Variants in GCLC observed in about 807,000 individuals in gnomAD.
GCLC encodes glutamate--cysteine ligase catalytic subunit.
Under a neutral mutation model 81.5 loss-of-function variants are expected in GCLC, and 30 were observed. That is an observed-to-expected ratio of 0.37 (90% CI 0.28 to 0.50). The LOEUF (loss-of-function observed/expected upper bound fraction) is 0.50, where lower values mean the gene tolerates loss of function less well. Ranked by LOEUF, GCLC falls within the 20% of genes least tolerant of loss-of-function variation. GCLC has a pLI of 0.96. For synonymous variants in GCLC, 262 were observed against 273.3 expected (o/e 0.96, Z 0.41); for missense variants, 556 against 777.4 (o/e 0.72, Z 3.39).
intron 7 of GCLC, 53 bp downstream of exon 7, chr6:53,509,123 C>T (rs1272030499): frequency 3.7e-6 from 4 of 1,090,942 alleles, no homozygotes; most frequent in Admixed American, 3.4e-5. Flanking sequence ...TCTGCACATG[C>T]TATCTTATTT....
intron 3 of GCLC, among the ~76,000 whole-genome samples, 173 bp downstream of exon 3, chr6:53,520,605 T>C (rs1284372477): frequency 6.6e-6 from 1 of 152,248 alleles, no homozygotes; most frequent in Non-Finnish European, 1.5e-5. Context: ...GAAGCTGGCA[T>C]GCAACTGTGT....
chr6:53,515,144 T>C (rs574728981), intron 4 of GCLC, among the ~76,000 whole-genome samples: 4 of 152,174 alleles, frequency 2.6e-5, no homozygotes, highest in Non-Finnish European at 5.9e-5. Flanking sequence ...TTTTTGGACG[T>C]TTTGGGTTAA....
intron 1 of GCLC, among the ~76,000 whole-genome samples, chr6:53,533,797 C>CTT (rs558357229): frequency 0.036 from 5,047 of 141,814 alleles, 151 homozygotes; most frequent in Middle Eastern, 0.08. Flanking sequence ...TTTTTCTTTT[C>CTT]TTTTTTTTTT....
rs368170497 is a variant in GCLC, at chr6:53,501,821, C to T, written c.1396-1308G>A. On this transcript the variant is annotated intron_variant, in intron 12 of 15. Transcript: ENST00000650454. ...CCTTAGTCTTGAAAAAAGTTCATAA[C>T]GACCACTTATAATTTGTGCTTTGAT... 3.6e-4 allele frequency among the ~76,000 whole-genome samples: 55 copies of T among 152,250 alleles called. 2 individuals are homozygous for T. Among genetic ancestry groups the T allele is most frequent in the African/African-American group, 1.3e-3 (52 of 41,554 alleles).
At chr6:53,499,592 GGT>G (rs1201431407) in intron 15 of GCLC, among the ~76,000 whole-genome samples, 1 of 152,126 alleles carries the variant, frequency 6.6e-6, no homozygotes, top group Non-Finnish European at 1.5e-5. Flanking sequence ...AGCAGTACTT[GGT>G]TACTGTACTG....
chr6:53,523,273 T>A (rs764235369), intron 1 of GCLC: 1 of 152,242 alleles, frequency 6.6e-6, no homozygotes. Context: ...TTCCTGAAGT[T>A]ACAAGCTTTC....
At chr6:53,538,691 T>C (rs1763300712) in intron 1 of GCLC, among the ~76,000 whole-genome samples, 1 of 152,148 alleles carries the variant, frequency 6.6e-6, no homozygotes, top group Non-Finnish European at 1.5e-5. Flanking sequence ...TTAATAAATC[T>C]CATCTCTGTT....
chr6:53,530,288 C>T (rs1763150130), intron 1 of GCLC, among the ~76,000 whole-genome samples: 2 of 152,174 alleles, frequency 1.3e-5, no homozygotes, highest in South Asian at 2.1e-4. Flanking sequence ...AACCACATCT[C>T]ACAAAGGCAG....
At chr6:53,540,404 T>C in intron 1 of GCLC, among the ~76,000 whole-genome samples, 1 of 150,342 alleles carries the variant, frequency 6.7e-6, no homozygotes, top group East Asian at 2.0e-4. Flanking sequence ...GTGAAATACA[T>C]CGGTCACAGA....
intron 3 of GCLC, among the ~76,000 whole-genome samples, chr6:53,517,420 T>C (rs542797339): frequency 2.0e-5 from 3 of 152,126 alleles, no homozygotes; most frequent in South Asian, 2.1e-4. Context: ...TTTTAACCCC[T>C]ACCTTTTCTT....
chr6:53,540,220 G>A (rs1763328678), intron 1 of GCLC, among the ~76,000 whole-genome samples: 2 of 150,592 alleles, frequency 1.3e-5, no homozygotes, highest in Non-Finnish European at 2.9e-5. Context: ...AATGTTCATC[G>A]AAGTTATTCA....
intron 12 of GCLC, among the ~76,000 whole-genome samples, chr6:53,501,830 A>G (rs1764519588): frequency 6.6e-6 from 1 of 152,208 alleles, no homozygotes; most frequent in African/African-American, 2.4e-5. Context: ...ACGACCACTT[A>G]TAATTTGTGC....
intron 1 of GCLC, among the ~76,000 whole-genome samples, chr6:53,525,413 C>T (rs1408837264): frequency 6.6e-6 from 1 of 152,296 alleles, no homozygotes; most frequent in East Asian, 1.9e-4. Flanking sequence ...TACATTAAGA[C>T]AACGATTTTC....
intron 1 of GCLC, among the ~76,000 whole-genome samples, chr6:53,524,939 A>G (rs1481322419): frequency 6.6e-6 from 1 of 152,244 alleles, no homozygotes; most frequent in Non-Finnish European, 1.5e-5. Context: ...TGAGTTTTAA[A>G]TATCAGTTTT....
intron 1 of GCLC, among the ~76,000 whole-genome samples, chr6:53,534,497 G>A (rs200242250): frequency 7.9e-6 from 1 of 126,118 alleles, no homozygotes; most frequent in Non-Finnish European, 1.7e-5. Flanking sequence ...AAAAAAAAAA[G>A]AGAGAGGAAG....
At chr6:53,517,100 T>TC in intron 3 of GCLC, among the ~76,000 whole-genome samples, 1 of 143,762 alleles carries the variant, frequency 7.0e-6, no homozygotes, top group Non-Finnish European at 1.5e-5. Context: ...TTTTTTTTTT[T>TC]TTCTGAGAAA....
chr6:53,535,076 T>A (rs1425315584), intron 1 of GCLC, among the ~76,000 whole-genome samples: 1 of 152,146 alleles, frequency 6.6e-6, no homozygotes, highest in Admixed American at 6.5e-5. Context: ...TTATAAAGAT[T>A]CAGCAATCAA....
At chr6:53,517,420 T>G (rs542797339) in intron 3 of GCLC, among the ~76,000 whole-genome samples, 3 of 152,008 alleles carry the variant, frequency 2.0e-5, no homozygotes, top group Non-Finnish European at 2.9e-5. Context: ...TTTTAACCCC[T>G]ACCTTTTCTT....
At chr6:53,526,198 G>C (rs1258279454) in intron 1 of GCLC, among the ~76,000 whole-genome samples, 1 of 152,168 alleles carries the variant, frequency 6.6e-6, no homozygotes, top group Non-Finnish European at 1.5e-5. Context: ...GAAAACTCCA[G>C]ACACAGTAAT....
Sources: allele counts gnomAD v4.1 joint callset (sites outside exome capture counted in the v4.1 genomes callset), GRCh38; gene constraint gnomAD v4.1.1; transcripts MANE v1.5; gene names NCBI Gene and HGNC (gene_info 2026-07-23, HGNC 2026-07-21).